Variants in SHROOM4 observed in about 807,000 individuals in gnomAD.
SHROOM4 encodes protein Shroom4.
A neutral mutation model predicts 80.3 loss-of-function variants in SHROOM4; 17 were observed. The observed-to-expected ratio is 0.21, with a 90% CI of 0.14 to 0.32. The LOEUF (loss-of-function observed/expected upper bound fraction) is 0.32, where lower values mean the gene tolerates loss of function less well. Among genes scored for constraint, SHROOM4 ranks in the 10% least tolerant of loss-of-function variants. SHROOM4 has a pLI of 1.00. For synonymous variants in SHROOM4, 400 were observed against 437.5 expected (o/e 0.91, Z 1.07); for missense variants, 993 against 1,140.3 (o/e 0.87, Z 1.86).
At chrX:50,778,967 T>A (rs1935568093) in intron 1 of SHROOM4, among the ~76,000 whole-genome samples, 1 of 111,628 alleles carries the variant, frequency 9.0e-6, no homozygotes, top group Non-Finnish European at 1.9e-5. Context: ...GTTGTAAGAG[T>A]TAAATGAGTA....
chrX:50,598,344 C>T lies in SHROOM4; in HGVS notation c.4134G>A (p.Leu1378=), dbSNP rs1929221376. Residue 1378 remains leucine (L), a synonymous_variant, in exon 8 of 9, where the codon CTG becomes CTA. Coordinates refer to ENST00000376020, the MANE Select transcript of SHROOM4 (RefSeq NM_020717.5). ...FVGDLDKVVN[L]LLSLSGRLAR... ...CCAGTCGTCCAGAGAGTGACAGCAA[C>T]AGGTTGACCACTTTGTCCAGGTCCC... 8.3e-7 allele frequency: 1 copy of T among 1,209,229 alleles called. No homozygotes were observed. The highest frequency in any genetic ancestry group is 1.8e-5 in the African/African-American group (1 of 56,968).
At position 50,676,813 on chromosome X, in the gene SHROOM4, G is replaced by A. The variant is rs1334457994; in HGVS notation, c.269+18973C>T. ...GTTGTTAAAGGAAGTGAGCTGTACC[G>A]GAATATTAATCAAGTCCAGTTATTG... On this transcript the variant is annotated intron_variant, in intron 2 of 8. Transcript: ENST00000376020. Among the ~76,000 whole-genome samples, 4 of 111,118 alleles carry A rather than the reference G, an allele frequency of 3.6e-5. No homozygotes were observed. In the Admixed American group the frequency reaches 3.9e-4, roughly 11 times the overall value.
In SHROOM4 at chrX:50,618,277, CCCCTTCCTTCCTTCCTTCCTTCCTTCCT is replaced by C. The variant is rs1930350634; in HGVS notation, c.2957+9309_2957+9336del. On this transcript the variant is annotated intron_variant, in intron 5 of 8. Transcript: ENST00000376020. ...TTTCTTTCTTTTCTTCTCTTCTCTT[CCCCTTCCTTCCTTCCTTCCTTCCTTCCT>C]TCCTTCCTTCCTTCCTTCCTTCCTT... 6.7e-4 allele frequency among the ~76,000 whole-genome samples: 30 copies of C among 44,909 alleles called. 1 individual carries two copies. The highest frequency in any genetic ancestry group is 9.2e-4 in the Non-Finnish European group (19 of 20,602). The allele number at this position is 44,909 out of a possible 115,157, so 39.0% of individuals were successfully genotyped here.
At chrX:50,723,602 G>T (rs1295782617) in intron 1 of SHROOM4, among the ~76,000 whole-genome samples, 2 of 111,201 alleles carry the variant, frequency 1.8e-5, no homozygotes, top group Non-Finnish European at 3.8e-5. Flanking sequence ...GTATGCTGGG[G>T]CTACAGCAGG....
Position 50,608,078 on chromosome X carries a change from C to G in SHROOM4, c.3064G>C (p.Asp1022His). 3 of 1,211,184 alleles carry G rather than the reference C, an allele frequency of 2.5e-6. No homozygotes were observed. The highest frequency in any genetic ancestry group is 3.4e-6 in the Non-Finnish European group (3 of 895,376). ...GCATGTTTGAAGTCTCCAAGGAGGT[C>G]AAGAGAAGAAATTGCTCGGTAGCTT... ...LSSYRAISSL[D>H]LLGDFKHALK... Residue 1022 changes from aspartate (D) to histidine (H), a missense_variant, in exon 6 of 9, where the codon GAC (aspartate) becomes CAC (histidine). Coordinates refer to ENST00000376020, the MANE Select transcript of SHROOM4 (RefSeq NM_020717.5).
At chrX:50,772,825 T>C (rs1217277243) in intron 1 of SHROOM4, among the ~76,000 whole-genome samples, 2 of 111,839 alleles carry the variant, frequency 1.8e-5, no homozygotes, top group Non-Finnish European at 3.8e-5. Context: ...TGCTAGGAAC[T>C]GTGGGCATAC....
At position 50,633,275 on chromosome X, in the gene SHROOM4, C is replaced by T. The variant is rs782366216; in HGVS notation, c.2798G>A (p.Arg933Gln). The T allele has an allele frequency of 2.1e-5, 25 of 1,209,157 alleles. No homozygotes were observed. Among genetic ancestry groups the T allele is most frequent in the African/African-American group, 1.8e-4 (10 of 56,937 alleles). ...AGGATTATGATAGCAAACTGAACAC[C>T]GAATGCATTGGTGGTGGTGGCACCG... is the stretch of plus-strand genomic sequence containing the variant. ...NCRCHHHQCI[R>Q]CSVCYHNPQH... Residue 933 changes from arginine to glutamine, a missense_variant, in exon 4 of 9, where the codon CGG becomes CAG. Physicochemically the swap from Arg to Gln is conservative, Grantham distance 43 (BLOSUM62 1). Transcript: ENST00000376020.
intron 1 of SHROOM4, among the ~76,000 whole-genome samples, chrX:50,789,035 G>A (rs1935805276): frequency 9.0e-6 from 1 of 111,367 alleles, no homozygotes; most frequent in African/African-American, 3.3e-5. Flanking sequence ...CAGAACTAAA[G>A]GGAGAAATAG....
intron 5 of SHROOM4, among the ~76,000 whole-genome samples, chrX:50,611,752 TCTA>T (rs1930005030): frequency 9.1e-6 from 1 of 110,381 alleles, no homozygotes; most frequent in Admixed American, 9.6e-5. Context: ...AAACCCTGTC[TCTA>T]CTAAGAATAG....
chrX:50,658,294 T>A (rs1602412160), intron 2 of SHROOM4, among the ~76,000 whole-genome samples: 1 of 111,575 alleles, frequency 9.0e-6, no homozygotes, highest in African/African-American at 3.3e-5. Context: ...AGGTGACATT[T>A]ACTAAGGTGA....
At chrX:50,584,161 C>A (rs1400980892), downstream of SHROOM4, among the ~76,000 whole-genome samples, 1 of 111,802 alleles carries the variant, frequency 8.9e-6, no homozygotes, top group Non-Finnish European at 1.9e-5. Flanking sequence ...CCAGCCAAGG[C>A]CAGCAAAGTT....
At chrX:50,636,080 C>T (rs1424644695) in intron 3 of SHROOM4, among the ~76,000 whole-genome samples, 1 of 110,886 alleles carries the variant, frequency 9.0e-6, no homozygotes, top group Non-Finnish European at 1.9e-5. Flanking sequence ...CAGTTTTAGC[C>T]GGACCATTTT....
intron 6 of SHROOM4, 129 bp from the exon 7 acceptor site, chrX:50,602,942 C>T (rs781967856): frequency 1.9e-5 from 12 of 646,713 alleles, no homozygotes; most frequent in Non-Finnish European, 2.7e-5. Flanking sequence ...GGAGAAGGCA[C>T]TGTTCAAATG....
intron 1 of SHROOM4, among the ~76,000 whole-genome samples, chrX:50,744,870 CTT>C (rs782447355): frequency 1.8e-5 from 2 of 111,625 alleles, no homozygotes; most frequent in East Asian, 5.6e-4. Context: ...GTTCATTTCT[CTT>C]CTTGTTTTAC....
chrX:50,774,899 G>A (rs945343178), intron 1 of SHROOM4, among the ~76,000 whole-genome samples: 39 of 111,336 alleles, frequency 3.5e-4, no homozygotes, highest in African/African-American at 1.2e-3. Flanking sequence ...ACTATAAAAG[G>A]AAAAAAACTT....
chrX:50,677,461 T>C (rs931929451), intron 2 of SHROOM4, among the ~76,000 whole-genome samples: 2 of 111,358 alleles, frequency 1.8e-5, no homozygotes, highest in Non-Finnish European at 3.8e-5. Context: ...CCTAATGTGG[T>C]AAAACATAAA....
chrX:50,634,465 T>C lies in SHROOM4; in HGVS notation c.1608A>G (p.Gln536=), dbSNP rs368700374. 8.7e-5 allele frequency: 105 copies of C among 1,209,705 alleles called. No homozygotes were observed. The highest frequency in any genetic ancestry group is 1.1e-4 in the Non-Finnish European group (99 of 895,229). Residue 536 remains glutamine (Q), a synonymous_variant, in exon 4 of 9, where the codon CAA becomes CAG. Coordinates refer to ENST00000376020, the MANE Select transcript of SHROOM4 (RefSeq NM_020717.5). ...TAGTGGTTGAAGAACAGTCCGTGGC[T>C]TGTTGAACAAGGGAGCCAGAGGCAG... ...QPSASGSLVQ[Q]ATDCSSTTKA...
chrX:50,674,636 G>GA (rs1274062481), intron 2 of SHROOM4, among the ~76,000 whole-genome samples: 2 of 111,068 alleles, frequency 1.8e-5, no homozygotes, highest in East Asian at 5.7e-4. Flanking sequence ...AAATATTTTA[G>GA]AAAAAAATAG....
chrX:50,691,031 A>G (rs1485004395), intron 2 of SHROOM4, among the ~76,000 whole-genome samples: 6 of 112,684 alleles, frequency 5.3e-5, no homozygotes, highest in Admixed American at 9.4e-5. Flanking sequence ...TATTATCTCA[A>G]TATTTGAAGA....
Sources: allele counts gnomAD v4.1 joint callset (sites outside exome capture counted in the v4.1 genomes callset), GRCh38; gene constraint gnomAD v4.1.1; transcripts MANE v1.5; gene names NCBI Gene and HGNC (gene_info 2026-07-23, HGNC 2026-07-21).